SYBU: variants seen among roughly 807,000 people sequenced by gnomAD.
SYBU encodes syntabulin, also known as GOLSYN A protein.
Under a neutral mutation model 35.9 loss-of-function variants are expected in SYBU, and 21 were observed. The ratio of observed to expected loss-of-function variants is 0.58; its 90% CI spans 0.41 to 0.84. The LOEUF is 0.84. Ranked by LOEUF, SYBU falls within the 40% of genes least tolerant of loss-of-function variation. The pLI is 0.00. For synonymous variants in SYBU, 319 were observed against 324.3 expected, an observed-to-expected ratio of 0.98 and a Z score of 0.18; for missense variants, 768 against 848.2, an observed-to-expected ratio of 0.91 and a Z score of 1.17.
At chr8:109,664,402 A>C (rs898487245) in intron 1 of SYBU, among the ~76,000 whole-genome samples, 5 of 152,198 alleles carry the variant, frequency 3.3e-5, no homozygotes, top group Admixed American at 1.3e-4. Context: ...AGAAAAGACT[A>C]AGAAATGCTC....
chr8:109,593,540 G>T (rs965473613), intron 3 of SYBU, among the ~76,000 whole-genome samples: 3 of 152,230 alleles, frequency 2.0e-5, no homozygotes, highest in Non-Finnish European at 2.9e-5. Flanking sequence ...GGTTTGCAAA[G>T]CTAGTAGGAC....
intron 2 of SYBU, among the ~76,000 whole-genome samples, chr8:109,628,676 T>G (rs1813245440): frequency 6.6e-6 from 1 of 152,016 alleles, no homozygotes; most frequent in African/African-American, 2.4e-5. Context: ...GATTTTTTTT[T>G]TTAAAGTTAG....
rs1268400259 is a variant in SYBU, at chr8:109,615,997, C to CTTTCTTTTT, written c.427+2844_427+2845insAAAAAGAAA. 3.3e-3 allele frequency among the ~76,000 whole-genome samples: 316 copies of CTTTCTTTTT among 95,790 alleles called. 13 individuals carry two copies. Among genetic ancestry groups the CTTTCTTTTT allele is most frequent in the East Asian group, 0.021 (55 of 2,574 alleles). The allele number at this position is 95,790 out of a possible 152,430, so 62.8% of individuals were successfully genotyped here. On this transcript the variant is annotated intron_variant, in intron 3 of 6. Coordinates refer to ENST00000276646, the MANE Select transcript of SYBU (RefSeq NM_001099754.2). ...TATTCCCTGTAATTTCTTTTCTTTT[C>CTTTCTTTTT]TTTTCTTTCTTTTTTTTTTTTTTTT... is the stretch of plus-strand genomic sequence containing the variant.
chr8:109,644,057 G>T (rs1269283761), intron 1 of SYBU: 3 of 456,266 alleles, frequency 6.6e-6, no homozygotes, highest in Non-Finnish European at 1.3e-5. Flanking sequence ...TTACCAGGAA[G>T]GGTCACGGCC....
chr8:109,623,321 A>G (rs1023913748), intron 2 of SYBU, among the ~76,000 whole-genome samples: 4 of 152,204 alleles, frequency 2.6e-5, no homozygotes, highest in African/African-American at 9.7e-5. Context: ...ACTAATTTAC[A>G]TGTCCTCCTT....
intron 3 of SYBU, among the ~76,000 whole-genome samples, chr8:109,598,243 T>C (rs1825119285): frequency 6.6e-6 from 1 of 152,238 alleles, no homozygotes; most frequent in South Asian, 2.1e-4. Flanking sequence ...ATACACACTG[T>C]AGTATATATT....
At chr8:109,656,770 G>A (rs957805681) in intron 1 of SYBU, among the ~76,000 whole-genome samples, 1 of 152,140 alleles carries the variant, frequency 6.6e-6, no homozygotes, top group African/African-American at 2.4e-5. Flanking sequence ...AGTACAGATA[G>A]GTGTGATGTC....
chr8:109,648,275 A>G (rs551758749), upstream of SYBU, among the ~76,000 whole-genome samples: 1 of 144,992 alleles, frequency 6.9e-6, no homozygotes, highest in African/African-American at 2.6e-5. Flanking sequence ...ATATATATAT[A>G]ATATATATAT....
At chr8:109,610,640 G>A (rs1357055195) in intron 3 of SYBU, among the ~76,000 whole-genome samples, 2 of 152,166 alleles carry the variant, frequency 1.3e-5, no homozygotes, top group African/African-American at 2.4e-5. Context: ...TTAACCCATC[G>A]AATTGCCCAA....
intron 1 of SYBU, among the ~76,000 whole-genome samples, chr8:109,661,942 A>G (rs1045460827): frequency 2.6e-5 from 4 of 152,210 alleles, no homozygotes; most frequent in African/African-American, 9.6e-5. Flanking sequence ...CTTACTGTGG[A>G]ATTTAGATCT....
Position 109,575,992 on chromosome 8 carries a change from A to G in SYBU, c.906T>C (p.Leu302=). The change falls in exon 7 of 7, where the codon CTT becomes CTC. Residue 302 remains leucine (L), a synonymous_variant. Coordinates refer to ENST00000276646, the MANE Select transcript of SYBU (RefSeq NM_001099754.2). ...CTCGCATGCGGGCCAGCTGGGACTT[A>G]AGCTCCACGATTTCACTTTCCCTAG... is the stretch of plus-strand genomic sequence containing the variant. The part of the protein sequence containing the change: ...LHERESEIVE[L]KSQLARMRED... 6.2e-7 allele frequency: 1 copy of G among 1,600,858 alleles called. No individual in the cohort carries two copies. The highest frequency in any genetic ancestry group is 8.5e-7 in the Non-Finnish European group (1 of 1,177,630).
chr8:109,575,867 A>G lies in SYBU; in HGVS notation c.1031T>C (p.Met344Thr). ...ATCTTTATCAGCCAAGCTGCTCCGCATGGTTTCGATGACCTGTTTGAGCTG... is the reference window on the plus strand; with the variant it reads ...ATCTTTATCAGCCAAGCTGCTCCGCGTGGTTTCGATGACCTGTTTGAGCTG... Reference protein sequence around the residue: ...IKQLKQVIETMRSSLADKDKG... With the variant: ...IKQLKQVIETTRSSLADKDKG... The change falls in exon 7 of 7, where the codon ATG (methionine) becomes ACG (threonine). Residue 344 changes from methionine (M) to threonine (T), a missense_variant. Physicochemically the swap from Met to Thr is moderately conservative, Grantham distance 81. Coordinates refer to ENST00000276646, the MANE Select transcript of SYBU (RefSeq NM_001099754.2). 8.7e-6 allele frequency: 14 copies of G among 1,613,964 alleles called. No homozygotes were observed. Among genetic ancestry groups the G allele is most frequent in the Non-Finnish European group, 1.1e-5 (13 of 1,179,992 alleles).
chr8:109,667,329 G>A (rs1390498700), intron 1 of SYBU, among the ~76,000 whole-genome samples: 2 of 151,954 alleles, frequency 1.3e-5, no homozygotes, highest in African/African-American at 4.8e-5. Flanking sequence ...TGTTAGCCAG[G>A]ATGGTCTCGA....
intron 3 of SYBU, among the ~76,000 whole-genome samples, chr8:109,594,246 G>T (rs1290830694): frequency 1.3e-5 from 2 of 152,130 alleles, no homozygotes; most frequent in Non-Finnish European, 2.9e-5. Context: ...GAAAAATGGG[G>T]AGTGAGACAC....
At chr8:109,614,626 T>G (rs1229017532) in intron 3 of SYBU, among the ~76,000 whole-genome samples, 1 of 152,240 alleles carries the variant, frequency 6.6e-6, no homozygotes, top group African/African-American at 2.4e-5. Context: ...AAGTATAAGC[T>G]CTACTTCTCA....
At chr8:109,642,338 T>G (rs565450648) in intron 2 of SYBU, among the ~76,000 whole-genome samples, 50 of 152,250 alleles carry the variant, frequency 3.3e-4, no homozygotes, top group African/African-American at 1.1e-3. Flanking sequence ...GAGAAATACC[T>G]AATGTAGATG....
At chr8:109,582,859 T>C (rs1401339867) in intron 4 of SYBU, among the ~76,000 whole-genome samples, 2 of 152,112 alleles carry the variant, frequency 1.3e-5, no homozygotes, top group African/African-American at 4.8e-5. Context: ...TGAGCAGACA[T>C]AAACAGAAGG....
intron 1 of SYBU, among the ~76,000 whole-genome samples, chr8:109,661,143 G>T (rs1816545681): frequency 1.3e-5 from 2 of 152,192 alleles, no homozygotes; most frequent in African/African-American, 4.8e-5. Flanking sequence ...CATACAGTGT[G>T]TAAATACAGT....
intron 1 of SYBU, among the ~76,000 whole-genome samples, chr8:109,667,266 A>G (rs925680891): frequency 2.0e-5 from 3 of 151,850 alleles, no homozygotes; most frequent in Non-Finnish European, 4.4e-5. Flanking sequence ...ACAGGTGCCC[A>G]CCACTACGCC....
Sources: allele counts gnomAD v4.1 joint callset (sites outside exome capture counted in the v4.1 genomes callset), GRCh38; gene constraint gnomAD v4.1.1; transcripts MANE v1.5; gene names NCBI Gene and HGNC (gene_info 2026-07-23, HGNC 2026-07-21).